SEMA3D: variants seen among roughly 807,000 people sequenced by gnomAD.
SEMA3D encodes semaphorin-3D.
A neutral mutation model predicts 100.1 loss-of-function variants in SEMA3D; 84 were observed. The observed-to-expected ratio is 0.84, with a 90% CI of 0.70 to 1.01. SEMA3D has a LOEUF of 1.01. Among genes scored for constraint, SEMA3D ranks in the 50% least tolerant of loss-of-function variants. SEMA3D has a pLI of 0.00. For missense variants in SEMA3D, 875 were observed against 934.1 expected (o/e 0.94, Z 0.82); for synonymous variants, 312 against 320.7 (o/e 0.97, Z 0.29).
At chr7:85,019,220 G>A (rs912455734) in intron 14 of SEMA3D, among the ~76,000 whole-genome samples, 3 of 151,702 alleles carry the variant, frequency 2.0e-5, no homozygotes, top group South Asian at 2.1e-4. Flanking sequence ...CAGAATCCAA[G>A]TAATTCTTCT....
intron 18 of SEMA3D, among the ~76,000 whole-genome samples, chr7:85,001,243 C>T (rs1223687059): frequency 3.9e-5 from 6 of 152,140 alleles, no homozygotes; most frequent in African/African-American, 1.4e-4. Context: ...GGTCTCCAGG[C>T]CTGCCTTTGC....
intron 4 of SEMA3D, among the ~76,000 whole-genome samples, chr7:85,082,813 T>C (rs1343991107): frequency 6.6e-6 from 1 of 152,226 alleles, no homozygotes; most frequent in African/African-American, 2.4e-5. Context: ...CAAGATTGTT[T>C]ACTTAGAGAA....
intron 2 of SEMA3D, among the ~76,000 whole-genome samples, chr7:85,123,365 G>T (rs1019840545): frequency 6.6e-6 from 1 of 152,212 alleles, no homozygotes; most frequent in East Asian, 1.9e-4. Context: ...AATAAAAAAA[G>T]CATTAGACTT....
At chr7:85,152,196 T>G (rs368117625) in intron 2 of SEMA3D, among the ~76,000 whole-genome samples, 1 of 152,080 alleles carries the variant, frequency 6.6e-6, no homozygotes, top group Non-Finnish European at 1.5e-5. Context: ...TTCAAGTACC[T>G]GTTAAACAAA....
At chr7:85,233,929 T>C in the SEMA3D span, among the ~76,000 whole-genome samples, 22 of 152,184 alleles carry the variant, frequency 1.4e-4, no homozygotes, top group African/African-American at 4.8e-4. Context: ...CAGGGGAAAA[T>C]GCCATTAATG....
chr7:85,210,632 C>T, the SEMA3D span, among the ~76,000 whole-genome samples: 1 of 151,858 alleles, frequency 6.6e-6, no homozygotes, highest in African/African-American at 2.4e-5. Context: ...TACAAACATT[C>T]AGCAGGATTA....
At chr7:85,154,016 C>T (rs573537687) in intron 1 of SEMA3D, among the ~76,000 whole-genome samples, 5 of 152,068 alleles carry the variant, frequency 3.3e-5, no homozygotes, top group Non-Finnish European at 7.4e-5. Flanking sequence ...TCCAAAAATG[C>T]CATCTCAGAC....
intron 9 of SEMA3D, among the ~76,000 whole-genome samples, chr7:85,047,601 G>A (rs182393720): frequency 4.0e-5 from 6 of 151,526 alleles, no homozygotes; most frequent in South Asian, 2.1e-4. Context: ...ATTGACTTTC[G>A]GCTCCTATGC....
At chr7:85,202,549 C>T in the SEMA3D span, among the ~76,000 whole-genome samples, 4 of 152,052 alleles carry the variant, frequency 2.6e-5, no homozygotes, top group Non-Finnish European at 4.4e-5. Flanking sequence ...TCAGAGTGAA[C>T]AGGCAACCTA....
At chr7:85,128,358 A>G (rs768067232) in intron 2 of SEMA3D, among the ~76,000 whole-genome samples, 10 of 151,752 alleles carry the variant, frequency 6.6e-5, no homozygotes, top group Non-Finnish European at 1.0e-4. Flanking sequence ...TTTAGTAGAG[A>G]TGGGGTTTCA....
At chr7:85,082,312 T>C (rs2116237361) in intron 4 of SEMA3D, among the ~76,000 whole-genome samples, 1 of 152,334 alleles carries the variant, frequency 6.6e-6, no homozygotes, top group South Asian at 2.1e-4. Context: ...ACTCATTGGT[T>C]GATAGCTTTC....
the SEMA3D span, among the ~76,000 whole-genome samples, chr7:85,216,526 A>T: frequency 1.3e-5 from 2 of 151,992 alleles, no homozygotes; most frequent in Admixed American, 6.6e-5. Context: ...TCACCAAGGA[A>T]ATTCTGAAAT....
chr7:85,214,428 A>G, the SEMA3D span, among the ~76,000 whole-genome samples: 1 of 152,282 alleles, frequency 6.6e-6, no homozygotes. Context: ...ACACCCAGAG[A>G]GAAAGATATG....
the SEMA3D span, among the ~76,000 whole-genome samples, chr7:85,201,702 C>A: frequency 6.6e-6 from 1 of 151,880 alleles, no homozygotes. Flanking sequence ...TTTCCTTTTT[C>A]ATTTCCATTA....
chr7:85,032,451 G>C (rs1283984596), intron 12 of SEMA3D, among the ~76,000 whole-genome samples: 5 of 151,976 alleles, frequency 3.3e-5, no homozygotes, highest in African/African-American at 1.2e-4. Flanking sequence ...CATGATTTCA[G>C]ACATTTTCAA....
chr7:85,006,855 G>T lies in SEMA3D; in HGVS notation c.1855C>A (p.Gln619Lys), dbSNP rs766816428. 3.7e-6 allele frequency: 6 copies of T among 1,610,910 alleles called. No individual in the cohort carries two copies. In the South Asian group the frequency reaches 6.6e-5, roughly 18 times the overall value. ...TGGATATACCATTTAATAGTTGCTT[G>T]TTGGGATTTAGGTATACATTCCAGA... ...TFLECIPKSQ[Q>K]ATIKWYIQRS... Residue 619 changes from glutamine (Q) to lysine (K), a missense_variant, in exon 18 of 19, where the codon CAA becomes AAA. Coordinates refer to ENST00000284136, the MANE Select transcript of SEMA3D (RefSeq NM_001384900.1).
Position 85,097,921 on chromosome 7 carries a change from C to G in SEMA3D, c.196G>C (p.Glu66Gln). ...NSCIPFLGSSEGLDFQTLLLD... is the reference protein window; with the variant it reads ...NSCIPFLGSSQGLDFQTLLLD... ...AGAAGAGTTTGAAAATCCAGTCCTT[C>G]TGATGAACCCAAAAAGGGAATACAG... Residue 66 changes from glutamate (E) to glutamine (Q), a missense_variant, in exon 4 of 19, where the codon GAA becomes CAA. Coordinates refer to ENST00000284136, the MANE Select transcript of SEMA3D (RefSeq NM_001384900.1). 6.2e-7 allele frequency: 1 copy of G among 1,607,962 alleles called. No individual in the cohort carries two copies.
intron 9 of SEMA3D, among the ~76,000 whole-genome samples, chr7:85,048,331 CT>C (rs1339287912): frequency 5.9e-5 from 9 of 151,616 alleles, no homozygotes; most frequent in Non-Finnish European, 1.2e-4. Context: ...TCTTTGAAAA[CT>C]TAGTACAAAT....
chr7:85,107,982 T>G (rs1243870156), intron 3 of SEMA3D, among the ~76,000 whole-genome samples: 1 of 152,000 alleles, frequency 6.6e-6, no homozygotes, highest in Non-Finnish European at 1.5e-5. Context: ...ACAATTAAAT[T>G]AGGTCAATTT....
Sources: allele counts gnomAD v4.1 joint callset (sites outside exome capture counted in the v4.1 genomes callset), GRCh38; gene constraint gnomAD v4.1.1; transcripts MANE v1.5; gene names NCBI Gene and HGNC (gene_info 2026-07-23, HGNC 2026-07-21).